The following FNBP1L variants were observed in gnomAD, a reference collection of about 807,000 sequenced individuals.
FNBP1L encodes the protein formin-binding protein 1-like.
In FNBP1L, 36 loss-of-function variants were observed where a neutral mutation model predicts 91.2. The ratio of observed to expected loss-of-function variants is 0.39; its 90% confidence interval spans 0.30 to 0.52. The LOEUF is 0.52. FNBP1L is among the 20% of genes least tolerant of loss of function. The pLI, the probability that FNBP1L is intolerant of heterozygous loss-of-function variation, is 0.66. For synonymous variants in FNBP1L, 242 were observed against 237.0 expected (o/e 1.02, Z -0.19); for missense variants, 571 against 732.1 (o/e 0.78, Z 2.54).
At chr1:93,504,685 G>C (rs1357435270) in intron 2 of FNBP1L, among the ~76,000 whole-genome samples, 2 of 152,180 alleles carry the variant, frequency 1.3e-5, no homozygotes, top group Non-Finnish European at 2.9e-5. Context: ...ATCGGTGTGA[G>C]TTGTTATCTC....
At chr1:93,528,563 C>T (rs1278343102) in intron 5 of FNBP1L, among the ~76,000 whole-genome samples, 1 of 152,006 alleles carries the variant, frequency 6.6e-6, no homozygotes, top group Non-Finnish European at 1.5e-5. Flanking sequence ...TGAATGTGTT[C>T]TAGCAAAATG....
chr1:93,455,671 T>G (rs1668637818), intron 1 of FNBP1L, among the ~76,000 whole-genome samples: 1 of 152,214 alleles, frequency 6.6e-6, no homozygotes, highest in South Asian at 2.1e-4. Context: ...AATTCCTAGT[T>G]TCATGAGCTG....
intron 1 of FNBP1L, among the ~76,000 whole-genome samples, chr1:93,461,577 A>G (rs1668867073): frequency 1.3e-5 from 2 of 152,186 alleles, no homozygotes; most frequent in African/African-American, 4.8e-5. Context: ...AACAACATCA[A>G]CAATGTTTGC....
At chr1:93,476,921 A>G (rs1669517760) in intron 1 of FNBP1L, among the ~76,000 whole-genome samples, 1 of 152,208 alleles carries the variant, frequency 6.6e-6, no homozygotes, top group African/African-American at 2.4e-5. Flanking sequence ...TTTAAGATAC[A>G]TAAATTGACA....
At chr1:93,522,242 GTTTAA>G (rs1306026116) in intron 3 of FNBP1L, 107 bp downstream of exon 3, 5 of 478,220 alleles carry the variant, frequency 1.0e-5, no homozygotes, top group South Asian at 1.6e-4. Flanking sequence ...ATTTTATAAA[GTTTAA>G]TTTAAAAATT....
At chr1:93,508,559 C>A (rs891416260) in intron 2 of FNBP1L, among the ~76,000 whole-genome samples, 2 of 152,078 alleles carry the variant, frequency 1.3e-5, no homozygotes, top group African/African-American at 4.8e-5. Context: ...GTGAGTTTTA[C>A]ATACAGGGAG....
intron 7 of FNBP1L, among the ~76,000 whole-genome samples, chr1:93,531,519 A>G (rs957661623): frequency 2.6e-5 from 4 of 152,224 alleles, no homozygotes; most frequent in Non-Finnish European, 4.4e-5. Context: ...ATGAGTTATT[A>G]TCTCAACGAG....
intron 5 of FNBP1L, among the ~76,000 whole-genome samples, chr1:93,526,874 T>C (rs1176769708): frequency 6.6e-6 from 1 of 152,206 alleles, no homozygotes; most frequent in Non-Finnish European, 1.5e-5. Flanking sequence ...AAAATACTTT[T>C]GTACATAAGT....
intron 1 of FNBP1L, among the ~76,000 whole-genome samples, chr1:93,498,480 AT>A (rs908448059): frequency 6.6e-6 from 1 of 152,106 alleles, no homozygotes; most frequent in African/African-American, 2.4e-5. Context: ...TAGGAGTAGA[AT>A]TTTTTTTGAT....
intron 1 of FNBP1L, among the ~76,000 whole-genome samples, chr1:93,455,565 C>A (rs995958067): frequency 1.3e-5 from 2 of 152,164 alleles, no homozygotes; most frequent in Non-Finnish European, 2.9e-5. Flanking sequence ...TATATTTTTA[C>A]TTCTATATCA....
intron 2 of FNBP1L, among the ~76,000 whole-genome samples, chr1:93,519,098 T>C (rs530829905): frequency 6.6e-6 from 1 of 152,340 alleles, no homozygotes; most frequent in African/African-American, 2.4e-5. Context: ...TTTGCTGATA[T>C]TTGGGTGAAT....
chr1:93,513,215 C>T (rs1181725165), intron 2 of FNBP1L, among the ~76,000 whole-genome samples: 1 of 151,606 alleles, frequency 6.6e-6, no homozygotes, highest in African/African-American at 2.4e-5. Context: ...CAAGACTAAA[C>T]CAGGAAGAAG....
chr1:93,532,953 T>A lies in FNBP1L; in HGVS notation c.671T>A (p.Ile224Asn), dbSNP rs1327492218. 1.2e-6 allele frequency: 2 copies of A among 1,611,564 alleles called. No homozygotes were observed. Among genetic ancestry groups the A allele is most frequent in the African/African-American group, 2.7e-5 (2 of 74,896 alleles). Reference sequence around the variant, plus strand: ...CAAGAAATGGACGAACGAAGGACTATTAAACTCAGTGAGTGTTACAGAGGA... The same window carrying A: ...CAAGAAATGGACGAACGAAGGACTAATAAACTCAGTGAGTGTTACAGAGGA... ...QLQEMDERRT[I>N]KLSECYRGFA... Residue 224 changes from isoleucine to asparagine, a missense_variant, in exon 8 of 17, where the codon ATT becomes AAT. By Grantham distance (149) the Ile-to-Asn change is moderately radical (BLOSUM62 -3). This residue lies in a region of FNBP1L where 220 missense variants were observed against 313.6 expected (regional missense o/e 0.70). Coordinates refer to ENST00000271234, the MANE Select transcript of FNBP1L (RefSeq NM_001164473.3).
At chr1:93,481,620 A>C (rs200470553) in intron 1 of FNBP1L, among the ~76,000 whole-genome samples, 4 of 152,234 alleles carry the variant, frequency 2.6e-5, no homozygotes, top group Non-Finnish European at 4.4e-5. Context: ...CTGAGGTTCA[A>C]AATAAATTTT....
chr1:93,464,539 T>C (rs1669009353), intron 1 of FNBP1L, among the ~76,000 whole-genome samples: 1 of 152,186 alleles, frequency 6.6e-6, no homozygotes, highest in African/African-American at 2.4e-5. Context: ...TTTACAGATT[T>C]TTTCAATAAA....
At position 93,448,157 on chromosome 1, in the gene FNBP1L, C is replaced by A; in HGVS notation, c.-125C>A. The stretch of plus-strand genomic sequence containing the variant: ...CACTCACTGGGGAGCCCGGCGGTGG[C>A]GGCACCTTTCGAGGTAGACCCGCTG... On this transcript the variant is annotated 5_prime_UTR_variant, in exon 1 of 17. Coordinates refer to ENST00000271234, the MANE Select transcript of FNBP1L (RefSeq NM_001164473.3). 1.6e-6 allele frequency: 2 copies of A among 1,250,522 alleles called. No homozygotes were observed. The highest frequency in any genetic ancestry group is 2.2e-6 in the Non-Finnish European group (2 of 911,678). 77.5% of individuals were successfully genotyped at this position (1,250,522 alleles called of 1,614,324 possible).
At chr1:93,525,183 C>T (rs1266092891) in intron 5 of FNBP1L, among the ~76,000 whole-genome samples, 1 of 151,888 alleles carries the variant, frequency 6.6e-6, no homozygotes, top group African/African-American at 2.4e-5. Context: ...GTGGACACTG[C>T]GTATTCCTTG....
intron 1 of FNBP1L, among the ~76,000 whole-genome samples, chr1:93,456,602 C>CA (rs60167572): frequency 0.085 from 4,481 of 52,926 alleles, 328 homozygotes; most frequent in African/African-American, 0.21. Flanking sequence ...CCTTCTCTAC[C>CA]AAAAAAAAAA....
intron 3 of FNBP1L, among the ~76,000 whole-genome samples, 176 bp from the exon 4 acceptor site, chr1:93,523,166 CAT>C (rs1212174866): frequency 6.6e-6 from 1 of 152,146 alleles, no homozygotes; most frequent in African/African-American, 2.4e-5. Flanking sequence ...GATATACAAA[CAT>C]GTATGACTTG....
Sources: gnomAD v4.1 joint callset for allele counts (sites outside exome capture counted in the v4.1 genomes callset) on GRCh38, gnomAD v4.1.1 for gene constraint, gnomAD v4.1.1 regional missense constraint, MANE v1.5 for transcripts, NCBI Gene and HGNC (gene_info 2026-07-23, HGNC 2026-07-21) for gene names.